The following CPVL variants were observed in gnomAD, a reference collection of about 807,000 sequenced individuals.
The protein encoded by CPVL is carboxypeptidase vitellogenic like.
Under a neutral mutation model 63.7 loss-of-function variants are expected in CPVL, and 51 were observed. The ratio of observed to expected loss-of-function variants is 0.80; its 90% CI spans 0.64 to 1.01. CPVL has a LOEUF of 1.01. Ranked by LOEUF, CPVL falls within the 50% of genes least tolerant of loss-of-function variation. CPVL has a pLI of 0.00. For synonymous variants in CPVL, 195 were observed against 206.0 expected (o/e 0.95, Z 0.46); for missense variants, 530 against 573.1 (o/e 0.92, Z 0.77).
chr7:29,004,750 A>G (rs1286170505), intron 12 of CPVL, among the ~76,000 whole-genome samples: 1 of 152,182 alleles, frequency 6.6e-6, no homozygotes, highest in Non-Finnish European at 1.5e-5. Flanking sequence ...CTGGGAACAT[A>G]GGGCTTTGAG....
At chr7:29,036,283 G>T (rs1027945940) in intron 11 of CPVL, among the ~76,000 whole-genome samples, 1 of 152,142 alleles carries the variant, frequency 6.6e-6, no homozygotes, top group Non-Finnish European at 1.5e-5. Context: ...GAATTGTAAC[G>T]AGAACTAATG....
intron 3 of CPVL, among the ~76,000 whole-genome samples, chr7:29,106,345 A>G (rs1033611415): frequency 1.5e-4 from 23 of 151,994 alleles, no homozygotes; most frequent in Admixed American, 1.4e-3. Context: ...TTGTGTTCAT[A>G]CTGGGAGGGC....
intron 12 of CPVL, among the ~76,000 whole-genome samples, chr7:29,018,472 A>G (rs1379774416): frequency 6.8e-6 from 1 of 146,700 alleles, no homozygotes; most frequent in African/African-American, 2.6e-5. Context: ...TCTGCCTCCC[A>G]AGTTCAAGCG....
chr7:29,072,054 C>A, intron 8 of CPVL, 150 bp from the exon 9 acceptor site: 4 of 929,448 alleles, frequency 4.3e-6, no homozygotes, highest in South Asian at 3.3e-5. Context: ...CACATATACA[C>A]CCCACAACAC....
chr7:29,071,084 GCT>G (rs1355949032), intron 9 of CPVL, among the ~76,000 whole-genome samples: 1 of 151,696 alleles, frequency 6.6e-6, no homozygotes, highest in Non-Finnish European at 1.5e-5. Flanking sequence ...TTTACACATG[GCT>G]CTGTCTGCAT....
chr7:29,109,494 G>A (rs914850942), intron 3 of CPVL, among the ~76,000 whole-genome samples: 2 of 152,130 alleles, frequency 1.3e-5, no homozygotes, highest in East Asian at 1.9e-4. Flanking sequence ...AGTGACCACT[G>A]CTTCTTCTTG....
At chr7:29,126,762 G>A (rs534172317) in intron 1 of CPVL, 5 of 152,304 alleles carry the variant, frequency 3.3e-5, no homozygotes, top group Admixed American at 2.6e-4. Flanking sequence ...GTTATTGCCC[G>A]GCACATTGGC....
At chr7:29,161,237 T>C (rs1220439732) in intron 5 of CPVL, among the ~76,000 whole-genome samples, 1 of 152,154 alleles carries the variant, frequency 6.6e-6, no homozygotes, top group Non-Finnish European at 1.5e-5. Context: ...GCAGGGAAAC[T>C]GAAGCAAAGG....
At chr7:29,158,688 C>T (rs1794763668) in intron 5 of CPVL, among the ~76,000 whole-genome samples, 1 of 152,094 alleles carries the variant, frequency 6.6e-6, no homozygotes, top group Admixed American at 6.5e-5. Flanking sequence ...TAGACATGGC[C>T]GTAGAGTTAA....
chr7:29,082,759 T>C (rs906576945), intron 7 of CPVL, among the ~76,000 whole-genome samples: 1 of 152,196 alleles, frequency 6.6e-6, no homozygotes, highest in Admixed American at 6.5e-5. Flanking sequence ...GGAAATTATA[T>C]GCATAAAACC....
chr7:28,997,526 C>T lies in CPVL; in HGVS notation c.1321-1644G>A, dbSNP rs546224129. Among the ~76,000 whole-genome samples, 41 of 152,328 alleles carry T rather than the reference C, an allele frequency of 2.7e-4. No homozygotes were observed. The East Asian group carries it at 6.4e-3, about 24-fold the overall frequency. On this transcript the variant is annotated intron_variant, in intron 12 of 12. Transcript: ENST00000265394. ...ATTAGATGATATTTACCTTGCAGCTCGCAGCTATACAAGCTGTGCACTGAA... is the reference window on the plus strand; with the variant it reads ...ATTAGATGATATTTACCTTGCAGCTTGCAGCTATACAAGCTGTGCACTGAA...
At chr7:29,083,158 G>C (rs989238884) in intron 7 of CPVL, among the ~76,000 whole-genome samples, 1 of 149,546 alleles carries the variant, frequency 6.7e-6, no homozygotes. Flanking sequence ...AGAGAAGAAA[G>C]AGAGAAGTTG....
At chr7:29,010,116 C>T (rs1785660211) in intron 12 of CPVL, 1 of 152,086 alleles carries the variant, frequency 6.6e-6, no homozygotes, top group Admixed American at 6.6e-5. Context: ...TGGGAAGTCC[C>T]CCTCTGGCAA....
chr7:29,089,584 A>G (rs1426628019), intron 6 of CPVL, among the ~76,000 whole-genome samples: 3 of 152,156 alleles, frequency 2.0e-5, no homozygotes, highest in South Asian at 2.1e-4. Flanking sequence ...TCAGTGGGCC[A>G]TGTCAGTTTA....
At chr7:29,078,514 G>A (rs940846105) in intron 7 of CPVL, among the ~76,000 whole-genome samples, 2 of 152,206 alleles carry the variant, frequency 1.3e-5, no homozygotes, top group Non-Finnish European at 2.9e-5. Context: ...AACACACTGG[G>A]CCGCAGTCAA....
rs371697099 is a variant in CPVL at position 29,071,738 on chromosome 7, T to C, written c.864+35A>G. 5 of 1,183,226 alleles carry C rather than the reference T, an allele frequency of 4.2e-6. No individual in the cohort carries two copies. In the African/African-American group the frequency reaches 8.5e-5, roughly 20 times the overall value. The allele number at this position is 1,183,226 out of a possible 1,614,324, so 73.3% of individuals were successfully genotyped here. A position where few individuals can be genotyped will look rare whatever the true frequency, so the allele number is the denominator to read the frequency against. On this transcript the variant is annotated intron_variant, in intron 9 of 12. Coordinates refer to ENST00000265394, the MANE Select transcript of CPVL (RefSeq NM_031311.5). Reference sequence around the variant, plus strand: ...GCCCTCCCTCCCCAGATGGTTTTAATTGCTCAAGGGCAGCACAGGGCCCCC... The same window carrying C: ...GCCCTCCCTCCCCAGATGGTTTTAACTGCTCAAGGGCAGCACAGGGCCCCC...
At chr7:29,103,996 C>T (rs1787469137) in intron 3 of CPVL, among the ~76,000 whole-genome samples, 1 of 152,204 alleles carries the variant, frequency 6.6e-6, no homozygotes, top group African/African-American at 2.4e-5. Context: ...TCAGCTAATA[C>T]TTTAGCTGCT....
intron 12 of CPVL, among the ~76,000 whole-genome samples, chr7:29,000,746 G>GT (rs1784551104): frequency 6.6e-6 from 1 of 152,122 alleles, no homozygotes; most frequent in South Asian, 2.1e-4. Context: ...ATTTTAAAGC[G>GT]TATGATTCGG....
At chr7:29,090,276 GTGC>G (rs1458087466) in intron 6 of CPVL, among the ~76,000 whole-genome samples, 1 of 152,286 alleles carries the variant, frequency 6.6e-6, no homozygotes, top group African/African-American at 2.4e-5. Flanking sequence ...AATCCTGGCA[GTGC>G]TGCTCTGTTG....
Sources: gnomAD v4.1 joint callset for allele counts (sites outside exome capture counted in the v4.1 genomes callset) on GRCh38, gnomAD v4.1.1 for gene constraint, MANE v1.5 for transcripts, NCBI Gene and HGNC (gene_info 2026-07-23, HGNC 2026-07-21) for gene names.